The following SLC8A2 variants were observed in gnomAD, a reference collection of about 807,000 sequenced individuals.
SLC8A2 encodes solute carrier family 8 member A2, also known as sodium/calcium exchanger 2.
Under a neutral mutation model 70.2 loss-of-function variants are expected in SLC8A2, and 14 were observed. The ratio of observed to expected loss-of-function variants is 0.20; its 90% CI spans 0.13 to 0.31. SLC8A2 has a LOEUF of 0.31. Ranked by LOEUF, SLC8A2 falls within the 10% of genes least tolerant of loss-of-function variation. The pLI, the probability that SLC8A2 is intolerant of heterozygous loss-of-function variation, is 1.00. For missense variants in SLC8A2, 779 were observed against 1,320.1 expected (o/e 0.59, Z 6.35); for synonymous variants, 575 against 594.3 (o/e 0.97, Z 0.47).
chr19:47,471,644 C>G (rs1259898565), intron 1 of SLC8A2, 145 bp downstream of exon 1: 1 of 152,206 alleles, frequency 6.6e-6, no homozygotes, highest in African/African-American at 2.4e-5. Flanking sequence ...ACAGAAGGTA[C>G]GCGTGCTGGG....
chr19:47,455,626 G>A (rs992768668), intron 3 of SLC8A2, among the ~76,000 whole-genome samples: 1 of 152,208 alleles, frequency 6.6e-6, no homozygotes, highest in Non-Finnish European at 1.5e-5. Context: ...CATGATGTAG[G>A]CTGGTGAAAA....
At chr19:47,446,239 G>A (rs528171067) in intron 4 of SLC8A2, among the ~76,000 whole-genome samples, 49 of 148,238 alleles carry the variant, frequency 3.3e-4, no homozygotes, top group African/African-American at 1.1e-3. Flanking sequence ...TGCGGGGGCG[G>A]AAGAGAGCGG....
chr19:47,467,356 C>T (rs1967476225), intron 1 of SLC8A2, among the ~76,000 whole-genome samples: 1 of 152,172 alleles, frequency 6.6e-6, no homozygotes, highest in African/African-American at 2.4e-5. Flanking sequence ...GTCTCCAACT[C>T]GGCCCTTTGA....
chr19:47,432,149 A>G lies in SLC8A2; in HGVS notation c.2389+18T>C. The G allele has an allele frequency of 6.3e-7, 1 of 1,580,184 alleles. No individual in the cohort carries two copies. The highest frequency in any genetic ancestry group is 2.3e-5 in the East Asian group (1 of 44,428). On this transcript the variant is annotated intron_variant, in intron 9 of 9. Transcript: ENST00000236877. This position sits in a 1 kb window ranked among gnomAD's most constrained non-coding sequence, Gnocchi z 6.2. ...CTCATCTGAGATCCTACCCCACCAAAGTCTCCCAGGGTGTTACCAGGGATG... is the reference window on the plus strand; with the variant it reads ...CTCATCTGAGATCCTACCCCACCAAGGTCTCCCAGGGTGTTACCAGGGATG...
rs1966969386 is a variant in SLC8A2 at position 47,432,032 on chromosome 19, C to T, written c.2389+135G>A. 1.2e-6 allele frequency: 1 copy of T among 806,574 alleles called. No individual in the cohort carries two copies. The highest frequency in any genetic ancestry group is 2.2e-5 in the South Asian group (1 of 44,958). 50.0% of individuals were successfully genotyped at this position (806,574 alleles called of 1,614,324 possible). On this transcript the variant is annotated intron_variant, in intron 9 of 9. Coordinates refer to ENST00000236877, the MANE Select transcript of SLC8A2 (RefSeq NM_015063.3). This position sits in a 1 kb window ranked among gnomAD's most constrained non-coding sequence, Gnocchi z 6.2. ...ACCCGCTGCCTGGCTTCTATTATGC[C>T]CCACCTCCGTATTTCTCTGAGACCC...
chr19:47,466,281 C>T lies in SLC8A2; in HGVS notation c.123G>A (p.Gly41=). 6.4e-7 allele frequency: 1 copy of T among 1,552,308 alleles called. No homozygotes were observed. The highest frequency in any genetic ancestry group is 8.7e-7 in the Non-Finnish European group (1 of 1,146,880). ...GGCAGCGGTAGGACCCCTGGCAGCC[C>T]CCTGTGCTGGTGTCGCTGTCATTGG... is the stretch of plus-strand genomic sequence containing the variant. The part of the protein sequence containing the change: ...PPANDSDTST[G]GCQGSYRCQP... Residue 41 remains glycine, a synonymous_variant, in exon 2 of 10, where the codon GGG becomes GGA. Transcript: ENST00000236877. The surrounding 1 kb of genome is among the most constrained non-coding windows in gnomAD (Gnocchi z 6.9).
Position 47,465,711 on chromosome 19 carries a change from C to A in SLC8A2, c.675+18G>T. On this transcript the variant is annotated intron_variant, in intron 2 of 9. Coordinates refer to ENST00000236877, the MANE Select transcript of SLC8A2 (RefSeq NM_015063.3). The surrounding 1 kb of genome is among the most constrained non-coding windows in gnomAD (Gnocchi z 5.5). ...AGACACACATGCACCAAGAAAGCAT[C>A]TATGCGTCTTTGCTCACCTGGACCA... 4 of 1,590,116 alleles carry A rather than the reference C, an allele frequency of 2.5e-6. No homozygotes were observed. The highest frequency in any genetic ancestry group is 3.4e-6 in the Non-Finnish European group (4 of 1,165,280).
Position 47,432,519 on chromosome 19 carries a change from A to G in SLC8A2, c.2111-74T>C. On this transcript the variant is annotated intron_variant, in intron 8 of 9. Transcript: ENST00000236877. This position sits in a 1 kb window ranked among gnomAD's most constrained non-coding sequence, Gnocchi z 6.2. ...GCCTACAGAGGCCCCATTTTGTCTA[A>G]CTTCCTGACAGCAAGTCCCATTGAA... is the stretch of plus-strand genomic sequence containing the variant. 7.0e-7 allele frequency: 1 copy of G among 1,423,712 alleles called. No individual in the cohort carries two copies. 88.2% of individuals were successfully genotyped at this position (1,423,712 alleles called of 1,614,324 possible). A position where few individuals can be genotyped will look rare whatever the true frequency, so the allele number is the denominator to read the frequency against.
At chr19:47,469,455 C>T (rs1967505813) in intron 1 of SLC8A2, among the ~76,000 whole-genome samples, 1 of 152,150 alleles carries the variant, frequency 6.6e-6, no homozygotes, top group Admixed American at 6.5e-5. Context: ...GTTTAACCAC[C>T]TGTCCTTCCT....
intron 8 of SLC8A2, among the ~76,000 whole-genome samples, chr19:47,436,383 C>T (rs890661520): frequency 6.6e-6 from 1 of 152,164 alleles, no homozygotes; most frequent in African/African-American, 2.4e-5. Context: ...CTTCTGTGTC[C>T]CTGGCAATGT....
At position 47,447,616 on chromosome 19, in the gene SLC8A2, CCACG is replaced by C; in HGVS notation, c.1763+189_1763+192del. ...GCCCAGCTGTTCAGTGAAGCCCCGC[CCACG>C]TCGTGGGCATGGGTCACAGGCCCCG... On this transcript the variant is annotated intron_variant, in intron 4 of 9. Transcript: ENST00000236877. The surrounding 1 kb of genome is among the most constrained non-coding windows in gnomAD (Gnocchi z 5.1). The C allele has an allele frequency of 2.5e-6, 1 of 398,084 alleles. No homozygotes were observed. Among genetic ancestry groups the C allele is most frequent in the Non-Finnish European group, 4.4e-6 (1 of 229,298 alleles). 24.7% of individuals were successfully genotyped at this position (398,084 alleles called of 1,614,324 possible).
Position 47,470,668 on chromosome 19 carries a change from C to T in SLC8A2, c.-17+1121G>A, listed in dbSNP as rs189398130. Among the ~76,000 whole-genome samples the T allele has an allele frequency of 3.4e-3, 522 of 152,316 alleles. 2 individuals carry two copies. Among genetic ancestry groups the T allele is most frequent in the African/African-American group, 0.012 (486 of 41,558 alleles). On this transcript the variant is annotated intron_variant, in intron 1 of 9. Coordinates refer to ENST00000236877, the MANE Select transcript of SLC8A2 (RefSeq NM_015063.3). ...ATGAATGAATCAAGAGCTGGACAAA[C>T]AGCAAGAGGTATGGAAGTGAGACGG... is the stretch of plus-strand genomic sequence containing the variant.
rs1967447313 is a variant in SLC8A2 at position 47,465,619 on chromosome 19, G to A, written c.675+110C>T. On this transcript the variant is annotated intron_variant, in intron 2 of 9. Coordinates refer to ENST00000236877, the MANE Select transcript of SLC8A2 (RefSeq NM_015063.3). This position sits in a 1 kb window ranked among gnomAD's most constrained non-coding sequence, Gnocchi z 5.5. The stretch of plus-strand genomic sequence containing the variant: ...ACCGTACTTGGCAGCCCTCTCAGAT[G>A]TGAGTGTGCATTTCTGCAAATACAG... 4 of 956,916 alleles carry A rather than the reference G, an allele frequency of 4.2e-6. No individual in the cohort carries two copies. In the South Asian group the frequency reaches 6.8e-5, roughly 16 times the overall value. The allele number at this position is 956,916 out of a possible 1,614,324, so 59.3% of individuals were successfully genotyped here.
chr19:47,447,482 C>G lies in SLC8A2; in HGVS notation c.1763+327G>C, dbSNP rs1210940110. ...TCGCCTCTTCATTTCACAGTCACAA[C>G]CCCACCAGGCCCCGCCCACGTGGTA... On this transcript the variant is annotated intron_variant, in intron 4 of 9. Coordinates refer to ENST00000236877, the MANE Select transcript of SLC8A2 (RefSeq NM_015063.3). The surrounding 1 kb of genome is among the most constrained non-coding windows in gnomAD (Gnocchi z 5.1). 2.5e-6 allele frequency: 1 copy of G among 400,422 alleles called. No homozygotes were observed. Among genetic ancestry groups the G allele is most frequent in the Non-Finnish European group, 4.5e-6 (1 of 221,512 alleles). 24.8% of individuals were successfully genotyped at this position (400,422 alleles called of 1,614,324 possible).
chr19:47,438,834 CCA>C (rs1967063628), intron 6 of SLC8A2, among the ~76,000 whole-genome samples: 2 of 152,194 alleles, frequency 1.3e-5, no homozygotes, highest in South Asian at 4.2e-4. Context: ...AGATCTAACT[CCA>C]GTCCTACACC....
intron 6 of SLC8A2, among the ~76,000 whole-genome samples, chr19:47,438,919 G>A (rs891409559): frequency 6.6e-6 from 1 of 152,192 alleles, no homozygotes; most frequent in East Asian, 1.9e-4. Flanking sequence ...CACGGCAGAA[G>A]CTGAAGTGTG....
chr19:47,466,169 T>C lies in SLC8A2; in HGVS notation c.235A>G (p.Met79Val). Residue 79 changes from methionine to valine, a missense_variant, in exon 2 of 10, where the codon ATG becomes GTG. Transcript: ENST00000236877. The surrounding 1 kb of genome is among the most constrained non-coding windows in gnomAD (Gnocchi z 6.9). ...AARAVVYFVA[M>V]VYMFLGVSII... ...GACACTCCCAGAAACATGTAGACCA[T>C]GGCCACAAAGTACACCACTGCCCGT... The C allele has an allele frequency of 1.2e-6, 2 of 1,614,212 alleles. No homozygotes were observed. Among genetic ancestry groups the C allele is most frequent in the African/African-American group, 1.3e-5 (1 of 75,066 alleles).
rs1358195414 is a variant in SLC8A2, at chr19:47,466,039, C to T, written c.365G>A (p.Arg122His). Reference protein sequence around the residue: ...ANGETSVGTVRIWNETVSNLT... With the variant: ...ANGETSVGTVHIWNETVSNLT... Reference sequence around the variant, plus strand: ...GTTGGACACCGTCTCATTCCAGATGCGAACGGTGCCCACGCTGGTCTCACC... The same window carrying T: ...GTTGGACACCGTCTCATTCCAGATGTGAACGGTGCCCACGCTGGTCTCACC... The change falls in exon 2 of 10, where the codon CGC becomes CAC. Residue 122 changes from arginine to histidine, a missense_variant. Transcript: ENST00000236877. This position sits in a 1 kb window ranked among gnomAD's most constrained non-coding sequence, Gnocchi z 6.9. The T allele has an allele frequency of 6.8e-6, 11 of 1,614,026 alleles. No homozygotes were observed. The highest frequency in any genetic ancestry group is 2.2e-5 in the East Asian group (1 of 44,896).
At chr19:47,438,591 C>A (rs900153300) in intron 6 of SLC8A2, among the ~76,000 whole-genome samples, 1 of 151,920 alleles carries the variant, frequency 6.6e-6, no homozygotes, top group South Asian at 2.1e-4. Flanking sequence ...GTATGCTGAC[C>A]CCTGACTCCA....
Sources: gnomAD v4.1 joint callset for allele counts (sites outside exome capture counted in the v4.1 genomes callset) on GRCh38, gnomAD v4.1.1 for gene constraint, Gnocchi (gnomAD v3.1) non-coding constraint, MANE v1.5 for transcripts, NCBI Gene and HGNC (gene_info 2026-07-23, HGNC 2026-07-21) for gene names.